The following CLTCL1 variants were observed in gnomAD, a reference collection of about 807,000 sequenced individuals.
CLTCL1 encodes the protein clathrin heavy chain 2.
A neutral mutation model predicts 190.0 loss-of-function variants in CLTCL1; 159 were observed. That is an observed-to-expected ratio of 0.84 (90% confidence interval 0.74 to 0.95). The LOEUF (loss-of-function observed/expected upper bound fraction) is 0.95, where lower values mean the gene tolerates loss of function less well. Ranked by LOEUF, CLTCL1 falls within the 40% of genes least tolerant of loss-of-function variation. CLTCL1 has a pLI of 0.00. For missense variants in CLTCL1, 1,878 were observed against 2,033.4 expected (o/e 0.92, Z 1.47); for synonymous variants, 752 against 769.6 (o/e 0.98, Z 0.38).
intron 20 of CLTCL1, among the ~76,000 whole-genome samples, chr22:19,209,891 A>C (rs1273276052): frequency 6.6e-6 from 1 of 152,110 alleles, no homozygotes; most frequent in Non-Finnish European, 1.5e-5. Flanking sequence ...TGCTCTGGGA[A>C]CCTGACCTTG....
At position 19,248,237 on chromosome 22, in the gene CLTCL1, C is replaced by G. The variant is rs540724418; in HGVS notation, c.520-5301G>C. Among the ~76,000 whole-genome samples, 266 of 151,864 alleles carry G rather than the reference C, an allele frequency of 1.8e-3. 3 individuals carry two copies. Among genetic ancestry groups the G allele is most frequent in the Admixed American group, 3.9e-3 (59 of 15,256 alleles). ...GCTTGAACCCGGGAGGCGGAGGTTG[C>G]GGTGAGCCAAGACCATGCCACTGCA... On this transcript the variant is annotated intron_variant, in intron 3 of 32. Transcript: ENST00000427926.
chr22:19,287,739 C>G (rs2087958459), intron 1 of CLTCL1, among the ~76,000 whole-genome samples: 1 of 152,030 alleles, frequency 6.6e-6, no homozygotes, highest in East Asian at 1.9e-4. Flanking sequence ...AAAGGGACAA[C>G]AGGATGGGGA....
intron 26 of CLTCL1, among the ~76,000 whole-genome samples, chr22:19,191,791 C>G (rs2084515370): frequency 6.6e-6 from 1 of 152,220 alleles, no homozygotes; most frequent in African/African-American, 2.4e-5. Context: ...ATGTTTCCAT[C>G]CAAGCAAGAT....
At chr22:19,195,515 A>G (rs1164767270) in intron 26 of CLTCL1, among the ~76,000 whole-genome samples, 4 of 142,712 alleles carry the variant, frequency 2.8e-5, no homozygotes, top group African/African-American at 1.1e-4. Context: ...CTGCTGTGCC[A>G]CTCCAGTCAC....
chr22:19,256,413 G>A (rs1034112293), intron 2 of CLTCL1, among the ~76,000 whole-genome samples: 2 of 129,530 alleles, frequency 1.5e-5, no homozygotes, highest in African/African-American at 5.9e-5. Flanking sequence ...CTGGAGTGCA[G>A]TGGCATCATC....
chr22:19,262,865 T>C (rs192185436), intron 2 of CLTCL1, among the ~76,000 whole-genome samples: 315 of 151,680 alleles, frequency 2.1e-3, no homozygotes, highest in African/African-American at 7.3e-3. Flanking sequence ...ACCCCATCTC[T>C]ACTAAAAATA....
intron 15 of CLTCL1, 90 bp downstream of exon 15, chr22:19,222,594 G>GA (rs2085608819): frequency 2.8e-6 from 4 of 1,442,918 alleles, no homozygotes; most frequent in Middle Eastern, 2.0e-4. Context: ...TCTCTGAAAT[G>GA]TCAGGTGTTA....
chr22:19,288,565 C>G (rs1413490672), intron 1 of CLTCL1, among the ~76,000 whole-genome samples: 2 of 152,178 alleles, frequency 1.3e-5, no homozygotes, highest in African/African-American at 2.4e-5. Context: ...CACAAAAAAG[C>G]TACAAACATT....
chr22:19,204,829 C>A (rs979123216), intron 22 of CLTCL1, among the ~76,000 whole-genome samples: 1 of 152,174 alleles, frequency 6.6e-6, no homozygotes. Context: ...GTTACTGGCC[C>A]CTATCTCAGG....
chr22:19,199,943 T>C (rs2084827800), intron 23 of CLTCL1, 102 bp from the exon 24 acceptor site: 1 of 679,470 alleles, frequency 1.5e-6, no homozygotes. Flanking sequence ...ATACCAGCAG[T>C]GGGGTATTTT....
intron 10 of CLTCL1, among the ~76,000 whole-genome samples, chr22:19,231,210 C>T (rs1407945465): frequency 1.3e-5 from 2 of 152,204 alleles, no homozygotes; most frequent in African/African-American, 4.8e-5. Context: ...TAATCACGAG[C>T]CAATTCTCCT....
At chr22:19,195,635 CACAT>C (rs2084672830) in intron 26 of CLTCL1, among the ~76,000 whole-genome samples, 1 of 151,406 alleles carries the variant, frequency 6.6e-6, no homozygotes, top group East Asian at 1.9e-4. Context: ...TCACCAAACT[CACAT>C]ACAGAGCTGG....
intron 30 of CLTCL1, chr22:19,182,834 G>A (rs2084184008): frequency 6.4e-6 from 1 of 157,122 alleles, no homozygotes; most frequent in African/African-American, 2.4e-5. Context: ...ATCCCAGCAG[G>A]GACTCCTAGG....
At position 19,196,500 on chromosome 22, in the gene CLTCL1, T is replaced by G; in HGVS notation, c.4030A>C (p.Asn1344His). Residue 1344 changes from asparagine (N) to histidine (H), a missense_variant, in exon 25 of 33, where the codon AAC (asparagine) becomes CAC (histidine). Transcript: ENST00000427926. ...GGAGTACACGGTACCTTTGGGATGT[T>G]GACACGGGACCAGAAAAGCTCCAGA... is the stretch of plus-strand genomic sequence containing the variant. ...EHLELFWSRV[N>H]IPKVLRAAEQ... 1 of 1,614,076 alleles carries G rather than the reference T, an allele frequency of 6.2e-7. No individual in the cohort carries two copies. Among genetic ancestry groups the G allele is most frequent in the South Asian group, 1.1e-5 (1 of 91,088 alleles).
chr22:19,291,400 C>A (rs1358335581), intron 1 of CLTCL1, among the ~76,000 whole-genome samples, 200 bp downstream of exon 1: 1 of 152,158 alleles, frequency 6.6e-6, no homozygotes, highest in African/African-American at 2.4e-5. Flanking sequence ...TAACGGGCTT[C>A]GGCGACGGCA....
chr22:19,185,353 G>A (rs568047136), intron 29 of CLTCL1, among the ~76,000 whole-genome samples: 1 of 147,792 alleles, frequency 6.8e-6, no homozygotes, highest in South Asian at 2.2e-4. Flanking sequence ...TTGAGACGGA[G>A]TCTCGCTCTG....
rs553192261 is a variant in CLTCL1, at chr22:19,179,795, GCGT to G, written c.*192_*194del. The G allele has an allele frequency of 9.6e-4, 211 of 220,198 alleles. No homozygotes were observed. Among genetic ancestry groups the G allele is most frequent in the African/African-American group, 4.1e-3 (180 of 43,888 alleles). The allele number at this position is 220,198 out of a possible 1,614,324, so 13.6% of individuals were successfully genotyped here. ...TGTCCAGGTGTCCCTGCCTCCCATT[GCGT>G]CCCCTGTGCTGCTGGAGTGACATGC... On this transcript the variant is annotated 3_prime_UTR_variant, in exon 33 of 33. Coordinates refer to ENST00000427926, the MANE Select transcript of CLTCL1 (RefSeq NM_007098.4).
chr22:19,190,804 G>A (rs1458548258), intron 27 of CLTCL1, among the ~76,000 whole-genome samples: 1 of 149,078 alleles, frequency 6.7e-6, no homozygotes, highest in Non-Finnish European at 1.5e-5. Flanking sequence ...TTGAGACAGA[G>A]TCTCACACTG....
At chr22:19,263,238 G>C (rs1489886088) in intron 2 of CLTCL1, among the ~76,000 whole-genome samples, 1 of 150,400 alleles carries the variant, frequency 6.6e-6, no homozygotes, top group Non-Finnish European at 1.5e-5. Context: ...GAGACTACAG[G>C]CGTGCACCAC....
Sources: gnomAD v4.1 joint callset for allele counts (sites outside exome capture counted in the v4.1 genomes callset) on GRCh38, gnomAD v4.1.1 for gene constraint, MANE v1.5 for transcripts, NCBI Gene and HGNC (gene_info 2026-07-23, HGNC 2026-07-21) for gene names.